TEX15: variants seen among roughly 807,000 people sequenced by gnomAD.
The protein encoded by TEX15 is testis expressed 15, meiosis and synapsis associated.
A neutral mutation model predicts 237.3 loss-of-function variants in TEX15; 171 were observed. The observed-to-expected ratio is 0.72, with a 90% CI of 0.64 to 0.82. TEX15 has a LOEUF of 0.82. Ranked by LOEUF, TEX15 falls within the 40% of genes least tolerant of loss-of-function variation. The pLI is 0.00. For missense variants in TEX15, 3,750 were observed against 3,646.5 expected (o/e 1.03, Z -0.73); for synonymous variants, 1,338 against 1,269.8 (o/e 1.05, Z -1.14).
At chr8:30,856,963 AAAATTATTTTT>A (rs1267577772) in intron 7 of TEX15, among the ~76,000 whole-genome samples, 1 of 152,200 alleles carries the variant, frequency 6.6e-6, no homozygotes, top group Non-Finnish European at 1.5e-5. Flanking sequence ...CCAGAAACAA[AAAATTATTTTT>A]AAAAAGATGA....
At chr8:30,857,559 A>T (rs1229672871) in intron 7 of TEX15, among the ~76,000 whole-genome samples, 1 of 152,216 alleles carries the variant, frequency 6.6e-6, no homozygotes, top group Admixed American at 6.5e-5. Flanking sequence ...ATTCCTACAA[A>T]TCAGTAATGA....
chr8:30,890,264 T>C (rs1175885338), intron 2 of TEX15, among the ~76,000 whole-genome samples: 1 of 151,972 alleles, frequency 6.6e-6, no homozygotes, highest in Non-Finnish European at 1.5e-5. Flanking sequence ...TATGAACAAC[T>C]TTAAGCGAAT....
intron 4 of TEX15, among the ~76,000 whole-genome samples, chr8:30,872,401 T>C (rs1808309401): frequency 6.6e-6 from 1 of 152,180 alleles, no homozygotes; most frequent in Non-Finnish European, 1.5e-5. Context: ...TATAAAAGTA[T>C]AGCATGTATG....
chr8:30,838,227 C>T (rs1175988869), intron 9 of TEX15, among the ~76,000 whole-genome samples, 166 bp from the exon 10 acceptor site: 2 of 152,126 alleles, frequency 1.3e-5, no homozygotes, highest in African/African-American at 2.4e-5. Flanking sequence ...GTTTGACTGC[C>T]GTGGTTTGGA....
Position 30,837,016 on chromosome 8 carries a change from T to A in TEX15, c.9268A>T (p.Asn3090Tyr). The stretch of plus-strand genomic sequence containing the variant: ...GTAAAATATTGAGAGTACAGAAGAT[T>A]AGAATGTGTGCCCTGGGCAGTACTT... ...VASTAQGTHSNLLYSQYFTYF... is the reference protein window; with the variant it reads ...VASTAQGTHSYLLYSQYFTYF... Residue 3090 changes from asparagine to tyrosine, a missense_variant, in exon 10 of 11, where the codon AAT (asparagine) becomes TAT (tyrosine). Physicochemically the swap from Asn to Tyr is moderately radical, Grantham distance 143. Coordinates refer to ENST00000643185, the MANE Select transcript of TEX15 (RefSeq NM_001350162.2). 1 of 1,614,102 alleles carries A rather than the reference T, an allele frequency of 6.2e-7. No individual in the cohort carries two copies. The highest frequency in any genetic ancestry group is 8.5e-7 in the Non-Finnish European group (1 of 1,180,004).
Position 30,842,715 on chromosome 8 carries a change from C to T in TEX15, c.7452G>A (p.Glu2484=), listed in dbSNP as rs766470470. The change falls in exon 8 of 11, where the codon GAG becomes GAA. Residue 2484 remains glutamate (E), a synonymous_variant. Coordinates refer to ENST00000643185, the MANE Select transcript of TEX15 (RefSeq NM_001350162.2). ...CCATTTTTTCTTGGCACTGAACCAG[C>T]TCAGGAAGAAGTGACAAATCAAACC... ...MLWFDLSLLP[E]LVQCQEKMAS... 1.2e-6 allele frequency: 2 copies of T among 1,613,404 alleles called. No homozygotes were observed. The highest frequency in any genetic ancestry group is 4.5e-5 in the East Asian group (2 of 44,848).
chr8:30,840,922 T>C (rs1233705300), intron 8 of TEX15, among the ~76,000 whole-genome samples: 1 of 152,130 alleles, frequency 6.6e-6, no homozygotes, highest in Non-Finnish European at 1.5e-5. Context: ...AAATTATATA[T>C]ATAAATTTTT....
At chr8:30,865,224 T>C (rs778302159) in intron 5 of TEX15, among the ~76,000 whole-genome samples, 103 of 151,776 alleles carry the variant, frequency 6.8e-4, no homozygotes, top group Non-Finnish European at 1.3e-3. Flanking sequence ...CCAAAAGAAA[T>C]AGATACATCC....
At chr8:30,851,140 A>G (rs1247250836) in intron 7 of TEX15, among the ~76,000 whole-genome samples, 1 of 150,802 alleles carries the variant, frequency 6.6e-6, no homozygotes, top group Admixed American at 6.6e-5. Flanking sequence ...ATAAACTTGT[A>G]TAAATACCCA....
At position 30,863,598 on chromosome 8, in the gene TEX15, C is replaced by T. The variant is rs151105750; in HGVS notation, c.541-3541G>A. On this transcript the variant is annotated intron_variant, in intron 5 of 10. Transcript: ENST00000643185. The stretch of plus-strand genomic sequence containing the variant: ...CCCTCCTTGCCTGGCTGAAATGACA[C>T]CCAGGGGATTAAAGAGCCAGTGCCT... Among the ~76,000 whole-genome samples the T allele has an allele frequency of 7.2e-4, 110 of 152,202 alleles. 2 individuals carry two copies. In the East Asian group the frequency reaches 0.018, roughly 25 times the overall value.
intron 2 of TEX15, among the ~76,000 whole-genome samples, chr8:30,897,838 T>C (rs559606518): frequency 6.6e-6 from 1 of 152,220 alleles, no homozygotes; most frequent in Admixed American, 6.5e-5. Flanking sequence ...TTTTTTATTT[T>C]ATTTTTTGAG....
intron 1 of TEX15, among the ~76,000 whole-genome samples, chr8:30,910,610 C>CTTTTTT (rs796129316): frequency 2.0e-5 from 2 of 97,908 alleles, no homozygotes; most frequent in African/African-American, 4.7e-5. Context: ...CACGCCTGGC[C>CTTTTTT]TTTTTTTTTT....
chr8:30,899,126 C>T (rs184318904), intron 1 of TEX15, among the ~76,000 whole-genome samples: 4 of 152,258 alleles, frequency 2.6e-5, no homozygotes, highest in African/African-American at 4.8e-5. Context: ...ACCAATCTCA[C>T]GCAGCTCTAC....
rs778196479 is a variant in TEX15 at position 30,846,326 on chromosome 8, T to C, written c.3841A>G (p.Lys1281Glu). The C allele has an allele frequency of 1.2e-6, 2 of 1,612,896 alleles. No homozygotes were observed. Among genetic ancestry groups the C allele is most frequent in the South Asian group, 2.2e-5 (2 of 90,966 alleles). Residue 1281 changes from lysine (K) to glutamate (E), a missense_variant, in exon 8 of 11, where the codon AAA (lysine) becomes GAA (glutamate). By Grantham distance (56) the Lys-to-Glu change is moderately conservative. Coordinates refer to ENST00000643185, the MANE Select transcript of TEX15 (RefSeq NM_001350162.2). Reference sequence around the variant, plus strand: ...GTATCATTATAGTCAGTTTTTGATTTTGTAAAGAAACATCTGCTTCCATCA... The same window carrying C: ...GTATCATTATAGTCAGTTTTTGATTCTGTAAAGAAACATCTGCTTCCATCA... ...IDDGSRCFFT[K>E]SKTDYNDTKN... is the part of the protein sequence containing the mutation.
rs1386515845 is a variant in TEX15, at chr8:30,848,318, T to G, written c.1849A>C (p.Asn617His). Residue 617 changes from asparagine (N) to histidine (H), a missense_variant, in exon 8 of 11, where the codon AAT (asparagine) becomes CAT (histidine). Asn to His is a moderately conservative substitution (Grantham distance 68). Transcript: ENST00000643185. ...KKVSIDEYLQ[N>H]TGKMKNFADL... The stretch of plus-strand genomic sequence containing the variant: ...GCGAAGTTTTTCATCTTTCCAGTAT[T>G]TTGAAGGTATTCATCAATGCTTACT... The G allele has an allele frequency of 6.2e-7, 1 of 1,613,956 alleles. No homozygotes were observed. The highest frequency in any genetic ancestry group is 1.7e-5 in the Admixed American group (1 of 59,998).
At chr8:30,862,714 C>T (rs1808077452) in intron 5 of TEX15, among the ~76,000 whole-genome samples, 1 of 152,156 alleles carries the variant, frequency 6.6e-6, no homozygotes, top group Non-Finnish European at 1.5e-5. Flanking sequence ...AGGATACCTA[C>T]TGTGATTTTA....
At chr8:30,874,629 C>T (rs988455145) in intron 4 of TEX15, among the ~76,000 whole-genome samples, 2 of 152,006 alleles carry the variant, frequency 1.3e-5, no homozygotes, top group African/African-American at 4.8e-5. Flanking sequence ...TTTACATTAT[C>T]TAGGAGGTGT....
chr8:30,894,417 C>A (rs541428315), intron 2 of TEX15, among the ~76,000 whole-genome samples: 56 of 152,298 alleles, frequency 3.7e-4, no homozygotes, highest in Admixed American at 9.1e-4. Flanking sequence ...GTTTATAATA[C>A]CCTGCTTCCA....
At chr8:30,872,211 TAC>T (rs1391727658) in intron 4 of TEX15, among the ~76,000 whole-genome samples, 2 of 152,098 alleles carry the variant, frequency 1.3e-5, no homozygotes, top group Admixed American at 1.3e-4. Flanking sequence ...GCATTTAAAA[TAC>T]AGTCATGTGC....
Sources: allele counts gnomAD v4.1 joint callset (sites outside exome capture counted in the v4.1 genomes callset), GRCh38; gene constraint gnomAD v4.1.1; transcripts MANE v1.5; gene names NCBI Gene and HGNC (gene_info 2026-07-23, HGNC 2026-07-21).